DPP6: variants seen among roughly 807,000 people sequenced by gnomAD.
The protein encoded by DPP6 is A-type potassium channel modulatory protein DPP6.
DPP6 carries 69 observed loss-of-function variants against 122.6 expected under a neutral mutation model. The ratio of observed to expected loss-of-function variants is 0.56; its 90% CI spans 0.46 to 0.69. The LOEUF (loss-of-function observed/expected upper bound fraction) is 0.69. Among genes scored for constraint, DPP6 ranks in the 30% least tolerant of loss-of-function variants. The pLI is 0.00. For synonymous variants in DPP6, 418 were observed against 433.1 expected (o/e 0.97, Z 0.43); for missense variants, 928 against 1,116.9 (o/e 0.83, Z 2.41).
intron 1 of DPP6, among the ~76,000 whole-genome samples, chr7:153,948,821 A>T (rs886231438): frequency 8.2e-5 from 12 of 146,062 alleles, no homozygotes; most frequent in Non-Finnish European, 1.5e-4. Flanking sequence ...CCTGGCCCAT[A>T]CGAGATATTA....
rs749344445 is a variant in DPP6, at chr7:154,727,824, C to T, written c.820C>T (p.Arg274Cys). The T allele has an allele frequency of 9.9e-6, 16 of 1,613,786 alleles. No homozygotes were observed. Among genetic ancestry groups the T allele is most frequent in the Admixed American group, 3.3e-5 (2 of 59,990 alleles). ...YCAHVGKQAI[R>C]VVSTGKEGVI... Reference sequence around the variant, plus strand: ...TGCACATGTCGGGAAACAGGCCATCCGTGTGGTCTCCACTGGCAAGGAAGG... The same window carrying T: ...TGCACATGTCGGGAAACAGGCCATCTGTGTGGTCTCCACTGGCAAGGAAGG... The change falls in exon 8 of 26, where the codon CGT becomes TGT. Residue 274 changes from arginine (R) to cysteine (C), a missense_variant. Physicochemically the swap from Arg to Cys is radical, Grantham distance 180 (BLOSUM62 -3). Coordinates refer to ENST00000377770, the MANE Select transcript of DPP6 (RefSeq NM_130797.4).
chr7:154,587,792 T>C, intron 5 of DPP6: 1 of 1,612,040 alleles, frequency 6.2e-7, no homozygotes, highest in Non-Finnish European at 8.5e-7. Context: ...CTTCACTGCC[T>C]GCGTGACTAT....
chr7:154,641,437 T>A (rs2130941477), intron 6 of DPP6, among the ~76,000 whole-genome samples: 1 of 152,318 alleles, frequency 6.6e-6, no homozygotes, highest in East Asian at 1.9e-4. Context: ...ATAAGGAATC[T>A]TCCATGGTGG....
In DPP6 at chr7:153,918,466, A is replaced by ACT. The variant is rs1202248132; in HGVS notation, c.51+30755_51+30756dup. On this transcript the variant is annotated intron_variant, in intron 1 of 25. Coordinates refer to the DPP6 transcript ENST00000404039. Reference sequence around the variant, plus strand: ...CACACACACACACACACACACACACACTCTCTCTCTCTCTCTCTCTCTCTT... The same window carrying ACT: ...CACACACACACACACACACACACACACTCTCTCTCTCTCTCTCTCTCTCTCTT... Among the ~76,000 whole-genome samples the ACT allele has an allele frequency of 2.3e-3, 225 of 95,964 alleles. 1 individual carries two copies. The highest frequency in any genetic ancestry group is 9.3e-3 in the South Asian group (22 of 2,360). 63.0% of individuals were successfully genotyped at this position (95,964 alleles called of 152,430 possible).
rs79857133 is a variant in DPP6, at chr7:154,821,617, A to AT, written c.1666+14513dup. On this transcript the variant is annotated intron_variant, in intron 16 of 25. Transcript: ENST00000377770. This position sits in a 1 kb window ranked among gnomAD's most constrained non-coding sequence, Gnocchi z 4.2. ...ATGTTAAGTGAATATATATATATAT[A>AT]TTTTTTTTCTGTATATATATATATA... 4.3e-3 allele frequency among the ~76,000 whole-genome samples: 421 copies of AT among 97,812 alleles called. 1 individual carries two copies. Among genetic ancestry groups the AT allele is most frequent in the Middle Eastern group, 0.018 (3 of 166 alleles). 64.2% of individuals were successfully genotyped at this position (97,812 alleles called of 152,430 possible).
At chr7:154,164,993 C>G (rs927414218) in intron 1 of DPP6, among the ~76,000 whole-genome samples, 12 of 149,300 alleles carry the variant, frequency 8.0e-5, no homozygotes, top group Non-Finnish European at 1.2e-4. Context: ...CCATTTTGTA[C>G]TTTTTTTTAA....
Position 154,237,671 on chromosome 7 carries a change from C to T in DPP6, c.243+184608C>T, listed in dbSNP as rs150914889. 1.7e-3 allele frequency among the ~76,000 whole-genome samples: 265 copies of T among 152,270 alleles called. 2 individuals are homozygous for T. The highest frequency in any genetic ancestry group is 6.2e-3 in the African/African-American group (259 of 41,558). On this transcript the variant is annotated intron_variant, in intron 1 of 25. Transcript: ENST00000377770. ...CTTCTTCTTTTTTTCTCTTTTCCTT[C>T]TCCTCCTTCCAGCTCCTAAAATAGA...
chr7:153,847,937 C>A, the DPP6 span, among the ~76,000 whole-genome samples: 2 of 152,324 alleles, frequency 1.3e-5, no homozygotes, highest in South Asian at 4.1e-4. Context: ...TTCTCTGTTA[C>A]CTAAAGCCAA....
At chr7:154,405,928 G>A (rs565995009) in intron 1 of DPP6, among the ~76,000 whole-genome samples, 1 of 152,288 alleles carries the variant, frequency 6.6e-6, no homozygotes, top group South Asian at 2.1e-4. Flanking sequence ...GGAATCCTAT[G>A]GTGAATACTC....
intron 1 of DPP6, among the ~76,000 whole-genome samples, chr7:154,261,600 A>G (rs1238514974): frequency 6.6e-6 from 1 of 152,202 alleles, no homozygotes; most frequent in African/African-American, 2.4e-5. Flanking sequence ...GAATAAACAG[A>G]AAACCCACAG....
At chr7:154,719,230 G>A (rs530699554) in intron 7 of DPP6, among the ~76,000 whole-genome samples, 6 of 152,188 alleles carry the variant, frequency 3.9e-5, no homozygotes, top group South Asian at 2.1e-4. Context: ...TATCTATGCC[G>A]GGCTTGTCTT....
At chr7:153,895,032 A>T (rs989254693) in intron 1 of DPP6, among the ~76,000 whole-genome samples, 3 of 152,310 alleles carry the variant, frequency 2.0e-5, no homozygotes, top group Middle Eastern at 3.4e-3. Flanking sequence ...GGAAAAGATG[A>T]GGAAACATGC....
intron 7 of DPP6, among the ~76,000 whole-genome samples, chr7:154,690,715 C>T (rs1202040847): frequency 2.0e-5 from 3 of 152,150 alleles, no homozygotes; most frequent in African/African-American, 7.2e-5. Context: ...TGTGGAAACA[C>T]CCCACTATGA....
At chr7:154,150,105 T>C (rs1796335792) in intron 1 of DPP6, among the ~76,000 whole-genome samples, 1 of 152,244 alleles carries the variant, frequency 6.6e-6, no homozygotes. Flanking sequence ...TGCCTTATTA[T>C]GATGTCACCT....
At position 154,062,654 on chromosome 7, in the gene DPP6, A is replaced by T. The variant is rs1279336568; in HGVS notation, c.243+9591A>T. On this transcript the variant is annotated intron_variant, in intron 1 of 25. Transcript: ENST00000377770. ...TTAGGACCCCCATCGCAGGAGGGGG[A>T]GGCACCCCCCGCGAGGGTGGGGACT... 1.0e-3 allele frequency among the ~76,000 whole-genome samples: 55 copies of T among 54,692 alleles called. 11 individuals carry two copies. The highest frequency in any genetic ancestry group is 2.2e-4 in the Non-Finnish European group (7 of 31,414). 35.9% of individuals were successfully genotyped at this position (54,692 alleles called of 152,430 possible). A position where few individuals can be genotyped will look rare whatever the true frequency, so the allele number is the denominator to read the frequency against.
intron 1 of DPP6, among the ~76,000 whole-genome samples, chr7:154,232,564 G>A (rs1800979070): frequency 6.6e-6 from 1 of 152,190 alleles, no homozygotes; most frequent in Non-Finnish European, 1.5e-5. Flanking sequence ...GTGAATCCTA[G>A]AGGCTGTGTA....
Position 154,396,180 on chromosome 7 carries a change from CA to C in DPP6, c.244-50030del, listed in dbSNP as rs1364300667. Among the ~76,000 whole-genome samples, 11 of 152,222 alleles carry C rather than the reference CA, an allele frequency of 7.2e-5. No homozygotes were observed. The South Asian group carries it at 2.1e-3, about 29-fold the overall frequency. Reference sequence around the variant, plus strand: ...TGCTTACTATGTGCATGACACTGTGCAAAACAATTCATGTTCATTATGTAGT... The same window carrying C: ...TGCTTACTATGTGCATGACACTGTGCAAACAATTCATGTTCATTATGTAGT... On this transcript the variant is annotated intron_variant, in intron 1 of 25. Transcript: ENST00000377770.
At chr7:154,198,034 C>T (rs536413419) in intron 1 of DPP6, among the ~76,000 whole-genome samples, 16 of 152,276 alleles carry the variant, frequency 1.1e-4, no homozygotes, top group African/African-American at 3.6e-4. Context: ...TGGGGTTTCC[C>T]ATCCATTCAG....
the DPP6 span, among the ~76,000 whole-genome samples, chr7:153,810,565 C>T: frequency 6.6e-6 from 1 of 151,942 alleles, no homozygotes; most frequent in South Asian, 2.1e-4. Context: ...GTGTTTCTTC[C>T]AAAATCAATG....
Sources: allele counts gnomAD v4.1 joint callset (sites outside exome capture counted in the v4.1 genomes callset), GRCh38; gene constraint gnomAD v4.1.1; non-coding constraint Gnocchi (gnomAD v3.1); transcripts MANE v1.5; gene names NCBI Gene and HGNC (gene_info 2026-07-23, HGNC 2026-07-21).